The following CD82 variants were observed in gnomAD, a reference collection of about 807,000 sequenced individuals.
CD82 encodes the protein CD82 molecule.
CD82 carries 36 observed loss-of-function variants against 37.4 expected under a neutral mutation model. The observed-to-expected ratio is 0.96, with a 90% CI of 0.74 to 1.27. CD82 has a LOEUF of 1.27. Ranked by LOEUF, CD82 falls within the 50% of genes most tolerant of loss-of-function variation. The probability of loss-of-function intolerance (pLI) is 0.00; values close to 1 mark genes in which losing one functional copy is unlikely to be tolerated. For missense variants in CD82, 340 were observed against 347.0 expected (o/e 0.98, Z 0.16); for synonymous variants, 158 against 137.4 (o/e 1.15, Z -1.05).
At chr11:44,596,723 G>C (rs934475221) in intron 3 of CD82, 9 of 366,030 alleles carry the variant, frequency 2.5e-5, no homozygotes, top group Non-Finnish European at 4.3e-5. Context: ...GAGAGTGAAA[G>C]AGGAGGGCTG....
intron 1 of CD82, among the ~76,000 whole-genome samples, chr11:44,576,013 C>A (rs1852886223): frequency 6.6e-6 from 1 of 152,210 alleles, no homozygotes; most frequent in African/African-American, 2.4e-5. Flanking sequence ...GCACCGGCCC[C>A]AAGTGAGAGG....
At chr11:44,571,023 G>A (rs969770789) in intron 1 of CD82, among the ~76,000 whole-genome samples, 2 of 152,078 alleles carry the variant, frequency 1.3e-5, no homozygotes, top group Non-Finnish European at 2.9e-5. Flanking sequence ...CTTCTCCGCC[G>A]CCCCACCCCG....
chr11:44,574,974 G>A (rs75791287), intron 1 of CD82, among the ~76,000 whole-genome samples: 5,097 of 152,204 alleles, frequency 0.033, 119 homozygotes, highest in Admixed American at 0.062. Flanking sequence ...TGTATATTTT[G>A]TACTCAACTC....
chr11:44,577,370 GC>G, intron 1 of CD82, among the ~76,000 whole-genome samples: 1 of 151,960 alleles, frequency 6.6e-6, no homozygotes, highest in Middle Eastern at 3.4e-3. Flanking sequence ...TCTACACCTG[GC>G]TCCAGCCACC....
chr11:44,597,008 G>A lies in CD82; in HGVS notation c.63+2283G>A. 1 of 456,176 alleles carries A rather than the reference G, an allele frequency of 2.2e-6. No homozygotes were observed. Among genetic ancestry groups the A allele is most frequent in the South Asian group, 1.5e-5 (1 of 64,570 alleles). The allele number at this position is 456,176 out of a possible 1,614,324, so 28.3% of individuals were successfully genotyped here. ...TCCTGGGGTTCTGGGTGTGGCTTTG[G>A]AGAGGGGGATCCTGGCAGCAGGGGC... is the stretch of plus-strand genomic sequence containing the variant. On this transcript the variant is annotated intron_variant, in intron 3 of 9. Coordinates refer to ENST00000227155, the MANE Select transcript of CD82 (RefSeq NM_002231.4). The surrounding 1 kb of genome is among the most constrained non-coding windows in gnomAD (Gnocchi z 4.1).
intron 2 of CD82, among the ~76,000 whole-genome samples, chr11:44,590,610 C>CAAAAAAAAAAA (rs56665683): frequency 0.17 from 5,557 of 33,344 alleles, 1,676 homozygotes; most frequent in East Asian, 0.45. Context: ...GATTCTGTCT[C>CAAAAAAAAAAA]AAAAAAAAAA....
At chr11:44,600,285 G>C (rs1324630028) in intron 4 of CD82, 55 bp downstream of exon 4, 2 of 1,534,294 alleles carry the variant, frequency 1.3e-6, no homozygotes, top group Non-Finnish European at 1.8e-6. Context: ...GGAGGGCCAG[G>C]GCGCAGATAC....
chr11:44,613,230 A>G (rs1853512185), intron 6 of CD82, among the ~76,000 whole-genome samples: 1 of 152,074 alleles, frequency 6.6e-6, no homozygotes, highest in Non-Finnish European at 1.5e-5. Flanking sequence ...CAGTCCAACC[A>G]TGCATTTGCC....
At chr11:44,611,296 C>T (rs1274612544) in intron 6 of CD82, among the ~76,000 whole-genome samples, 1 of 152,244 alleles carries the variant, frequency 6.6e-6, no homozygotes, top group African/African-American at 2.4e-5. Flanking sequence ...CCAAAGGCTG[C>T]TGCTGTCCCT....
chr11:44,587,346 G>A (rs1853071509), intron 1 of CD82, 129 bp from the exon 2 acceptor site: 1 of 436,774 alleles, frequency 2.3e-6, no homozygotes, highest in South Asian at 1.6e-5. Context: ...AGAGGACAGA[G>A]GAATGGCAAC....
intron 7 of CD82, among the ~76,000 whole-genome samples, chr11:44,616,807 GAGTCAGGCC>G (rs1167186839): frequency 6.6e-6 from 1 of 152,220 alleles, no homozygotes; most frequent in Non-Finnish European, 1.5e-5. Context: ...GGTACAGCCG[GAGTCAGGCC>G]AAGGGGTTGC....
rs550328676 is a variant in CD82 at position 44,597,175 on chromosome 11, G to A, written c.63+2450G>A. On this transcript the variant is annotated intron_variant, in intron 3 of 9. Coordinates refer to ENST00000227155, the MANE Select transcript of CD82 (RefSeq NM_002231.4). The surrounding 1 kb of genome is among the most constrained non-coding windows in gnomAD (Gnocchi z 4.1). ...GGCTGCTATGTGTGCTCGCGCCTGC[G>A]TGCATGTGCACCTGTATGTCTTTGC... is the stretch of plus-strand genomic sequence containing the variant. Among the ~76,000 whole-genome samples the A allele has an allele frequency of 7.2e-5, 11 of 152,174 alleles. No homozygotes were observed. The highest frequency in any genetic ancestry group is 3.9e-4 in the East Asian group (2 of 5,190).
upstream of CD82, among the ~76,000 whole-genome samples, chr11:44,565,404 G>C (rs1852715659): frequency 6.6e-6 from 1 of 152,088 alleles, no homozygotes; most frequent in East Asian, 1.9e-4. Context: ...AGTGTAACCT[G>C]GGGGCGGGGC....
chr11:44,596,842 G>A, intron 3 of CD82: 1 of 451,958 alleles, frequency 2.2e-6, no homozygotes. Context: ...TCCGGAGCTT[G>A]TGTCCTAGGG....
In CD82 at chr11:44,600,114, T is replaced by C. The variant is rs74886044; in HGVS notation, c.64-44T>C. 2.0e-3 allele frequency: 3,154 copies of C among 1,593,298 alleles called. 49 individuals carry two copies. The African/African-American group carries it at 0.035, about 18-fold the overall frequency. ...CAGGGACAGCTGGCAGGGGGAGGGCTATCTGCTCTTGGCTCCCCATTAACT... is the reference window on the plus strand; with the variant it reads ...CAGGGACAGCTGGCAGGGGGAGGGCCATCTGCTCTTGGCTCCCCATTAACT... On this transcript the variant is annotated intron_variant, in intron 3 of 9. Transcript: ENST00000227155.
intron 1 of CD82, among the ~76,000 whole-genome samples, chr11:44,582,533 A>G (rs1318224250): frequency 6.6e-6 from 1 of 152,194 alleles, no homozygotes; most frequent in Non-Finnish European, 1.5e-5. Flanking sequence ...GGCTCAATGC[A>G]GGTAGGCAGC....
intron 4 of CD82, among the ~76,000 whole-genome samples, chr11:44,601,985 C>T (rs761215759): frequency 3.3e-5 from 5 of 152,256 alleles, no homozygotes; most frequent in South Asian, 2.1e-4. Flanking sequence ...CTTTCCCTAC[C>T]GAGTTGAATC....
chr11:44,600,042 G>A (rs1384848118), intron 3 of CD82, 116 bp from the exon 4 acceptor site: 2 of 928,210 alleles, frequency 2.2e-6, no homozygotes, highest in East Asian at 4.8e-5. Context: ...AAGGGTGGAT[G>A]TGGTGCCCTC....
rs1853637562 is a variant in CD82, at chr11:44,619,820, T to C, written c.*694T>C. ...GAGGGAAGGGCGTTAGATAAGGCAC[T>C]CTGGGCTGTCAGGAGACTGCCTACT... On this transcript the variant is annotated 3_prime_UTR_variant, in exon 10 of 10. Coordinates refer to ENST00000227155, the MANE Select transcript of CD82 (RefSeq NM_002231.4). The C allele has an allele frequency of 6.7e-6, 1 of 149,192 alleles. No individual in the cohort carries two copies. The highest frequency in any genetic ancestry group is 2.1e-4 in the South Asian group (1 of 4,708). The allele number at this position is 149,192 out of a possible 1,614,324, so 9.2% of individuals were successfully genotyped here.
Sources: allele counts gnomAD v4.1 joint callset (sites outside exome capture counted in the v4.1 genomes callset), GRCh38; gene constraint gnomAD v4.1.1; non-coding constraint Gnocchi (gnomAD v3.1); transcripts MANE v1.5; gene names NCBI Gene and HGNC (gene_info 2026-07-23, HGNC 2026-07-21).